The following RARB variants were observed in gnomAD, a reference collection of about 807,000 sequenced individuals.
RARB encodes the protein HBV-activated protein.
RARB carries 17 observed loss-of-function variants against 51.9 expected under a neutral mutation model. The observed-to-expected ratio is 0.33, with a 90% confidence interval of 0.22 to 0.49. RARB has a LOEUF of 0.49. Among genes scored for constraint, RARB ranks in the 20% least tolerant of loss-of-function variants. RARB has a pLI of 0.99. For synonymous variants in RARB, 215 were observed against 195.4 expected (o/e 1.10, Z -0.84); for missense variants, 369 against 550.8 (o/e 0.67, Z 3.30).
At chr3:24,979,789 G>A (rs1028456806) in intron 2 of RARB, among the ~76,000 whole-genome samples, 1 of 152,004 alleles carries the variant, frequency 6.6e-6, no homozygotes, top group Non-Finnish European at 1.5e-5. Flanking sequence ...GGTTAATATT[G>A]TTACGTGTGA....
chr3:24,874,090 T>C (rs1702998149), intron 2 of RARB, among the ~76,000 whole-genome samples: 1 of 152,108 alleles, frequency 6.6e-6, no homozygotes, highest in East Asian at 1.9e-4. Context: ...GTGTAGGTTA[T>C]ATGCAAATAC....
At chr3:25,294,823 G>A (rs1157785433) in intron 5 of RARB, among the ~76,000 whole-genome samples, 1 of 152,134 alleles carries the variant, frequency 6.6e-6, no homozygotes, top group Non-Finnish European at 1.5e-5. Context: ...GGAGTGGAGG[G>A]GGGAAGGAAG....
intron 3 of RARB, among the ~76,000 whole-genome samples, chr3:25,511,774 C>T (rs1247549282): frequency 6.6e-6 from 1 of 152,204 alleles, no homozygotes; most frequent in Non-Finnish European, 1.5e-5. Context: ...GCCGCTAACC[C>T]TTCCTCACAT....
At position 25,180,854 on chromosome 3, in the gene RARB, C is replaced by T. The variant is rs950197237; in HGVS notation, c.178+6279C>T. ...AACACATCCAAAAACTTGGGGCTCC[C>T]AGACCAACCAATGGTCAGGTGGTAC... On this transcript the variant is annotated intron_variant, in intron 5 of 11. Transcript: ENST00000383772. Among the ~76,000 whole-genome samples, 4 of 152,114 alleles carry T rather than the reference C, an allele frequency of 2.6e-5. No individual in the cohort carries two copies. The South Asian group carries it at 6.2e-4, about 24-fold the overall frequency.
intron 2 of RARB, among the ~76,000 whole-genome samples, chr3:25,038,628 C>T (rs1219065068): frequency 2.0e-5 from 3 of 152,044 alleles, no homozygotes; most frequent in East Asian, 1.9e-4. Context: ...CACAGTTCTG[C>T]TGAAGAAAAC....
At chr3:25,365,056 AT>A in intron 5 of RARB, among the ~76,000 whole-genome samples, 1 of 152,126 alleles carries the variant, frequency 6.6e-6, no homozygotes, top group East Asian at 1.9e-4. Flanking sequence ...ATATCTAGAA[AT>A]TTCCCATCAC....
intron 2 of RARB, among the ~76,000 whole-genome samples, chr3:25,472,730 G>A (rs1446413244): frequency 1.3e-5 from 2 of 152,214 alleles, no homozygotes; most frequent in Non-Finnish European, 2.9e-5. Context: ...CAAGGCCTCT[G>A]ATTCTAAACA....
chr3:25,448,987 A>C (rs1169128393), intron 1 of RARB, among the ~76,000 whole-genome samples: 2 of 152,024 alleles, frequency 1.3e-5, no homozygotes, highest in Non-Finnish European at 2.9e-5. Context: ...CTATTGCACA[A>C]CCAATTCTGG....
At chr3:25,548,032 C>A (rs971950426) in intron 3 of RARB, among the ~76,000 whole-genome samples, 5 of 150,940 alleles carry the variant, frequency 3.3e-5, no homozygotes, top group African/African-American at 1.2e-4. Context: ...GGGTGATTTT[C>A]TAGCTTGAGT....
At chr3:24,858,494 T>C (rs1411902239) in intron 1 of RARB, among the ~76,000 whole-genome samples, 1 of 152,214 alleles carries the variant, frequency 6.6e-6, no homozygotes, top group Non-Finnish European at 1.5e-5. Flanking sequence ...TGAAGAAGTT[T>C]CAGTTTGGCT....
chr3:25,507,188 C>T (rs762766483), intron 3 of RARB, among the ~76,000 whole-genome samples: 1 of 152,220 alleles, frequency 6.6e-6, no homozygotes, highest in Non-Finnish European at 1.5e-5. Context: ...AAAAGGCATG[C>T]ATCATGTCTT....
intron 3 of RARB, among the ~76,000 whole-genome samples, chr3:25,556,428 G>A (rs1700060971): frequency 6.6e-6 from 1 of 152,040 alleles, no homozygotes; most frequent in South Asian, 2.1e-4. Flanking sequence ...CCCCTCAATG[G>A]CATTCAGGAC....
At chr3:25,511,453 A>G (rs1474518954) in intron 3 of RARB, among the ~76,000 whole-genome samples, 1 of 151,706 alleles carries the variant, frequency 6.6e-6, no homozygotes, top group Admixed American at 6.6e-5. Flanking sequence ...TTTTTACCCT[A>G]CCTTTCTATT....
chr3:25,082,462 TTATAA>T (rs1699026969), intron 3 of RARB, among the ~76,000 whole-genome samples: 1 of 152,082 alleles, frequency 6.6e-6, no homozygotes, highest in Admixed American at 6.5e-5. Flanking sequence ...TTTTTAGGTA[TTATAA>T]TATACACCTT....
chr3:25,318,914 T>C (rs143726376), intron 5 of RARB, among the ~76,000 whole-genome samples: 1 of 152,220 alleles, frequency 6.6e-6, no homozygotes, highest in Admixed American at 6.5e-5. Context: ...ACCTTTTATT[T>C]TAACTCTTGT....
At position 24,966,347 on chromosome 3, in the gene RARB, T is replaced by C. The variant is rs115412774; in HGVS notation, c.-379-93778T>C. Among the ~76,000 whole-genome samples the C allele has an allele frequency of 3.3e-5, 5 of 152,142 alleles. No individual in the cohort carries two copies. In the South Asian group the frequency reaches 8.3e-4, roughly 25 times the overall value. ...ACCTAATTACTTAAAAGAAACAATT[T>C]TAACAAATGAAAGAAGGAGGTGAGT... is the stretch of plus-strand genomic sequence containing the variant. On this transcript the variant is annotated intron_variant, in intron 2 of 11. Coordinates refer to the RARB transcript ENST00000383772.
chr3:25,387,276 G>A (rs1317381145), intron 5 of RARB, among the ~76,000 whole-genome samples: 1 of 152,056 alleles, frequency 6.6e-6, no homozygotes, highest in Admixed American at 6.6e-5. Context: ...GCTTTGTTTG[G>A]GAGAATGAGG....
At chr3:24,947,232 A>T (rs2125403679) in intron 2 of RARB, among the ~76,000 whole-genome samples, 1 of 152,312 alleles carries the variant, frequency 6.6e-6, no homozygotes, top group African/African-American at 2.4e-5. Context: ...TCTATGTCTT[A>T]CTGAAAAATA....
rs1700645402 is a variant in RARB at position 25,569,978 on chromosome 3, GCAGACACACACA to G, written c.609+63_609+74del. The stretch of plus-strand genomic sequence containing the variant: ...GTGGAAACCTTGTACGTGCATGTGT[GCAGACACACACA>G]CACACACACACACACACACACACAC... On this transcript the variant is annotated intron_variant, in intron 4 of 7. Coordinates refer to ENST00000330688, the MANE Select transcript of RARB (RefSeq NM_000965.5). 3 of 1,430,856 alleles carry G rather than the reference GCAGACACACACA, an allele frequency of 2.1e-6. No individual in the cohort carries two copies. In the African/African-American group the frequency reaches 5.3e-5, roughly 25 times the overall value. The allele number at this position is 1,430,856 out of a possible 1,614,324, so 88.6% of individuals were successfully genotyped here. A position where few individuals can be genotyped will look rare whatever the true frequency, so the allele number is the denominator to read the frequency against.
Sources: allele counts gnomAD v4.1 joint callset (sites outside exome capture counted in the v4.1 genomes callset), GRCh38; gene constraint gnomAD v4.1.1; transcripts MANE v1.5; gene names NCBI Gene and HGNC (gene_info 2026-07-23, HGNC 2026-07-21).